The following TLR2 variants were observed in gnomAD, a reference collection of about 807,000 sequenced individuals.
TLR2 encodes toll like receptor 2.
TLR2 carries 7 observed loss-of-function variants against 9.1 expected under a neutral mutation model. The ratio of observed to expected loss-of-function variants is 0.77; its 90% CI spans 0.44 to 1.44. The LOEUF (loss-of-function observed/expected upper bound fraction) is 1.44. Among genes scored for constraint, TLR2 ranks in the 40% most tolerant of loss-of-function variants. TLR2 has a pLI of 0.01. For missense variants in TLR2, 812 were observed against 904.6 expected (o/e 0.90, Z 1.31); for synonymous variants, 317 against 344.6 (o/e 0.92, Z 0.89).
intron 2 of TLR2, among the ~76,000 whole-genome samples, chr4:153,696,733 T>G (rs1051819129): frequency 1.3e-5 from 2 of 152,140 alleles, no homozygotes; most frequent in African/African-American, 4.8e-5. Context: ...ATTGTTTGCT[T>G]TATAGTTTTC....
chr4:153,695,479 A>C (rs964620938), intron 2 of TLR2, among the ~76,000 whole-genome samples: 1 of 152,152 alleles, frequency 6.6e-6, no homozygotes, highest in Non-Finnish European at 1.5e-5. Flanking sequence ...CCTTCTTTTG[A>C]GAAATGTCTA....
chr4:153,697,915 G>T (rs890595296), intron 2 of TLR2, among the ~76,000 whole-genome samples: 2 of 152,062 alleles, frequency 1.3e-5, no homozygotes, highest in African/African-American at 2.4e-5. Flanking sequence ...ATTATGTGTT[G>T]CAGAAGTAAT....
Position 153,704,750 on chromosome 4 carries a change from C to A in TLR2, c.1843C>A (p.Leu615Met), listed in dbSNP as rs1737210826. The A allele has an allele frequency of 1.9e-6, 3 of 1,613,980 alleles. No homozygotes were observed. The highest frequency in any genetic ancestry group is 2.5e-6 in the Non-Finnish European group (3 of 1,180,002). The change falls in exon 3 of 3, where the codon CTG becomes ATG. Residue 615 changes from leucine to methionine, a missense_variant. By Grantham distance (15) the Leu-to-Met change is conservative. Coordinates refer to ENST00000642700, the MANE Select transcript of TLR2 (RefSeq NM_001318789.2). The part of the protein sequence containing the change: ...TGVLCHRFHG[L>M]WYMKMMWAWL... ...GGTCCTGTGCCACCGTTTCCATGGC[C>A]TGTGGTATATGAAAATGATGTGGGC...
chr4:153,690,228 A>C (rs563844309), intron 2 of TLR2, among the ~76,000 whole-genome samples: 31 of 152,230 alleles, frequency 2.0e-4, no homozygotes, highest in Non-Finnish European at 4.1e-4. Context: ...GGCTCAAAAA[A>C]TTTAAAGTCA....
downstream of TLR2, among the ~76,000 whole-genome samples, chr4:153,708,045 T>C (rs775135609): frequency 6.6e-6 from 1 of 152,332 alleles, no homozygotes; most frequent in Non-Finnish European, 1.5e-5. Context: ...TCTCCAATCT[T>C]TTTTCAGTGT....
intron 2 of TLR2, among the ~76,000 whole-genome samples, chr4:153,689,828 C>T (rs950487188): frequency 4.6e-5 from 7 of 152,202 alleles, no homozygotes; most frequent in African/African-American, 1.7e-4. Context: ...GTCCCACTTT[C>T]CTCAGGTTTT....
At chr4:153,692,654 T>C (rs147738302) in intron 2 of TLR2, among the ~76,000 whole-genome samples, 3,710 of 152,294 alleles carry the variant, frequency 0.024, 64 homozygotes, top group Non-Finnish European at 0.038. Flanking sequence ...ATATGTTGAC[T>C]TTGAGGGCTG....
intron 1 of TLR2, among the ~76,000 whole-genome samples, chr4:153,685,445 A>G (rs1735638652): frequency 6.6e-6 from 1 of 152,232 alleles, no homozygotes; most frequent in Admixed American, 6.5e-5. Context: ...TGACTCTGTT[A>G]TTAAGATTTT....
In TLR2 at chr4:153,703,546, G is replaced by C. The variant is rs5743698; in HGVS notation, c.639G>C (p.Leu213=). The C allele has an allele frequency of 1.4e-3, 2,240 of 1,614,100 alleles. 6 individuals are homozygous for C. The highest frequency in any genetic ancestry group is 1.7e-3 in the Non-Finnish European group (2,022 of 1,180,030). The change falls in exon 3 of 3, where the codon CTG becomes CTC. Residue 213 remains leucine, a synonymous_variant. Coordinates refer to ENST00000642700, the MANE Select transcript of TLR2 (RefSeq NM_001318789.2). ...LILHMKQHIL[L]LEIFVDVTSS... ...TTCATATGAAGCAGCATATTTTACT[G>C]CTGGAGATTTTTGTAGATGTTACAA...
At chr4:153,687,537 A>G (rs183966558) in intron 1 of TLR2, among the ~76,000 whole-genome samples, 154 of 152,334 alleles carry the variant, frequency 1.0e-3, no homozygotes, top group African/African-American at 3.2e-3. Flanking sequence ...GAGTTCTTAC[A>G]TAATAAACTG....
In TLR2 at chr4:153,705,505, T is replaced by G. The variant is rs932503459; in HGVS notation, c.*243T>G. On this transcript the variant is annotated 3_prime_UTR_variant, in exon 3 of 3. Coordinates refer to ENST00000642700, the MANE Select transcript of TLR2 (RefSeq NM_001318789.2). Reference sequence around the variant, plus strand: ...GAGATAACCATGATCATAAGTCTATTACTGATATCTGAATATAGTCCCTTG... The same window carrying G: ...GAGATAACCATGATCATAAGTCTATGACTGATATCTGAATATAGTCCCTTG... 16 of 376,046 alleles carry G rather than the reference T, an allele frequency of 4.3e-5. No individual in the cohort carries two copies. The highest frequency in any genetic ancestry group is 7.5e-4 in the Middle Eastern group (1 of 1,340). The allele number at this position is 376,046 out of a possible 1,614,324, so 23.3% of individuals were successfully genotyped here.
Position 153,703,829 on chromosome 4 carries a change from A to G in TLR2, c.922A>G (p.Lys308Glu). 6 of 1,614,038 alleles carry G rather than the reference A, an allele frequency of 3.7e-6. No homozygotes were observed. Among genetic ancestry groups the G allele is most frequent in the Non-Finnish European group, 5.1e-6 (6 of 1,179,980 alleles). Residue 308 changes from lysine (K) to glutamate (E), a missense_variant, in exon 3 of 3, where the codon AAA (lysine) becomes GAA (glutamate). Coordinates refer to ENST00000642700, the MANE Select transcript of TLR2 (RefSeq NM_001318789.2). ...TAATGACAGAGTTATAGATCCAGGT[A>G]AAGTGGAAACGTTAACAATCCGGAG... ...SDNDRVIDPG[K>E]VETLTIRRLH...
downstream of TLR2, among the ~76,000 whole-genome samples, chr4:153,706,716 C>T (rs1351545837): frequency 6.6e-6 from 1 of 152,218 alleles, no homozygotes; most frequent in Non-Finnish European, 1.5e-5. Context: ...GCTCAATTCT[C>T]AACCAGAACT....
In TLR2 at chr4:153,704,425, C is replaced by T; in HGVS notation, c.1518C>T (p.Ile506=). 1.9e-6 allele frequency: 3 copies of T among 1,614,150 alleles called. No homozygotes were observed. Among genetic ancestry groups the T allele is most frequent in the African/African-American group, 1.3e-5 (1 of 75,044 alleles). Residue 506 remains isoleucine (I), a synonymous_variant, in exon 3 of 3, where the codon ATC becomes ATT. Coordinates refer to ENST00000642700, the MANE Select transcript of TLR2 (RefSeq NM_001318789.2). ...SLLPMLLVLK[I]SRNAITTFSK... ...TACCCATGTTACTAGTATTGAAAAT[C>T]AGTAGGAATGCAATAACTACGTTTT...
chr4:153,693,498 A>G (rs1736265349), intron 2 of TLR2, among the ~76,000 whole-genome samples: 1 of 152,136 alleles, frequency 6.6e-6, no homozygotes, highest in Non-Finnish European at 1.5e-5. Context: ...TGGTCGCTCG[A>G]GGTGCTGCTC....
chr4:153,686,938 A>G (rs1735748219), intron 1 of TLR2, among the ~76,000 whole-genome samples: 1 of 152,186 alleles, frequency 6.6e-6, no homozygotes, highest in Non-Finnish European at 1.5e-5. Flanking sequence ...ATACTGGCTC[A>G]TAGAGTAAAT....
At chr4:153,697,117 T>C (rs763375907) in intron 2 of TLR2, among the ~76,000 whole-genome samples, 9 of 152,120 alleles carry the variant, frequency 5.9e-5, no homozygotes, top group Non-Finnish European at 7.4e-5. Context: ...TAGAAGGTTG[T>C]GGGATAGGAA....
In TLR2 at chr4:153,704,651, G is replaced by A. The variant is rs1737198947; in HGVS notation, c.1744G>A (p.Val582Met). The A allele has an allele frequency of 6.2e-7, 1 of 1,613,436 alleles. No homozygotes were observed. ...GQQVQDVRLS[V>M]SECHRTALVS... ...GCAGGTTCAGGATGTCCGCCTCTCG[G>A]TGTCGGAATGTCACAGGACAGCACT... Residue 582 changes from valine to methionine, a missense_variant, in exon 3 of 3, where the codon GTG (valine) becomes ATG (methionine). Val to Met is a conservative substitution (Grantham distance 21). Coordinates refer to ENST00000642700, the MANE Select transcript of TLR2 (RefSeq NM_001318789.2).
At chr4:153,702,762 TTGTGTG>T (rs141605367) in intron 2 of TLR2, 124 bp from the exon 3 acceptor site, 65,978 of 412,048 alleles carry the variant, frequency 0.16, 3,388 homozygotes, top group African/African-American at 0.28. Flanking sequence ...CTCTCTCTCT[TTGTGTG>T]TGTGTGTGTG....
Sources: allele counts gnomAD v4.1 joint callset (sites outside exome capture counted in the v4.1 genomes callset), GRCh38; gene constraint gnomAD v4.1.1; transcripts MANE v1.5; gene names NCBI Gene and HGNC (gene_info 2026-07-23, HGNC 2026-07-21).